Variants in COL28A1 observed in about 807,000 individuals in gnomAD.
COL28A1 encodes collagen type XXVIII alpha 1 chain.
COL28A1 carries 161 observed loss-of-function variants against 150.2 expected under a neutral mutation model. The ratio of observed to expected loss-of-function variants is 1.07; its 90% CI spans 0.94 to 1.22. The LOEUF (loss-of-function observed/expected upper bound fraction) is 1.22, where lower values mean the gene tolerates loss of function less well. Ranked by LOEUF, COL28A1 falls within the 50% of genes most tolerant of loss-of-function variation. COL28A1 has a pLI of 0.00. For synonymous variants in COL28A1, 552 were observed against 469.7 expected (o/e 1.18, Z -2.26); for missense variants, 1,617 against 1,388.3 (o/e 1.16, Z -2.62).
intron 25 of COL28A1, among the ~76,000 whole-genome samples, chr7:7,420,796 G>C (rs1784353374): frequency 6.6e-6 from 1 of 152,176 alleles, no homozygotes; most frequent in Non-Finnish European, 1.5e-5. Context: ...GTATATGTCA[G>C]CTCCACTCAC....
intron 14 of COL28A1, among the ~76,000 whole-genome samples, chr7:7,476,557 C>T (rs567047377): frequency 6.6e-6 from 1 of 152,178 alleles, no homozygotes; most frequent in East Asian, 1.9e-4. Flanking sequence ...TTGCTATCTG[C>T]CCCTTTACAG....
intron 15 of COL28A1, among the ~76,000 whole-genome samples, chr7:7,473,003 C>T (rs1408097939): frequency 6.6e-6 from 1 of 152,162 alleles, no homozygotes; most frequent in African/African-American, 2.4e-5. Flanking sequence ...GGATCCTCAT[C>T]TCTCACCTTA....
At chr7:7,370,288 C>T (rs1380952948) in intron 33 of COL28A1, among the ~76,000 whole-genome samples, 1 of 151,984 alleles carries the variant, frequency 6.6e-6, no homozygotes, top group African/African-American at 2.4e-5. Context: ...GGAGAGTGGC[C>T]AGTTGGGCAT....
chr7:7,354,951 A>G (rs1252409564), downstream of COL28A1, among the ~76,000 whole-genome samples: 1 of 152,136 alleles, frequency 6.6e-6, no homozygotes, highest in African/African-American at 2.4e-5. Flanking sequence ...TGGAGCCAGC[A>G]CTCAGAGTCA....
intron 11 of COL28A1, among the ~76,000 whole-genome samples, chr7:7,495,769 A>C (rs1195725079): frequency 6.6e-6 from 1 of 152,224 alleles, no homozygotes; most frequent in African/African-American, 2.4e-5. Context: ...CAAAGCCCTT[A>C]GTACTCTACT....
In COL28A1 at chr7:7,372,092, C is replaced by A. The variant is rs1020133793; in HGVS notation, c.2908+906G>T. The stretch of plus-strand genomic sequence containing the variant: ...GTGATCCACTGTGCCTGGCATTGTA[C>A]AATGAATTTTAAAAGGTTGTTCTTT... On this transcript the variant is annotated intron_variant, in intron 32 of 34. Coordinates refer to ENST00000399429, the MANE Select transcript of COL28A1 (RefSeq NM_001037763.3). Among the ~76,000 whole-genome samples, 3 of 152,128 alleles carry A rather than the reference C, an allele frequency of 2.0e-5. No homozygotes were observed. The South Asian group carries it at 6.2e-4, about 32-fold the overall frequency.
intron 27 of COL28A1, among the ~76,000 whole-genome samples, chr7:7,400,978 GTGTGTGTGTGTGTGT>G (rs1783153715): frequency 1.6e-4 from 13 of 81,284 alleles, no homozygotes; most frequent in African/African-American, 4.8e-4. Flanking sequence ...GTATTTGGGT[GTGTGTGTGTGTGTGT>G]GTGTGTGTGT....
chr7:7,417,650 A>G (rs950108156), intron 27 of COL28A1: 1 of 563,576 alleles, frequency 1.8e-6, no homozygotes, highest in African/African-American at 2.0e-5. Context: ...TGCACCAAGC[A>G]ATTTATATAA....
downstream of COL28A1, among the ~76,000 whole-genome samples, chr7:7,352,714 A>G (rs563080589): frequency 5.9e-5 from 9 of 152,326 alleles, no homozygotes; most frequent in African/African-American, 1.9e-4. Context: ...GCCCAGTGAG[A>G]CCTTCATCAG....
intron 18 of COL28A1, among the ~76,000 whole-genome samples, chr7:7,447,564 C>T (rs1474330496): frequency 6.6e-6 from 1 of 151,774 alleles, no homozygotes; most frequent in Non-Finnish European, 1.5e-5. Context: ...GAGGTAAGAA[C>T]ATTAAAACAG....
At chr7:7,433,374 G>A (rs575951329) in intron 23 of COL28A1, among the ~76,000 whole-genome samples, 13 of 152,074 alleles carry the variant, frequency 8.5e-5, no homozygotes, top group African/African-American at 4.8e-5. Flanking sequence ...GGTGGCTCAC[G>A]CCTGTAATCC....
chr7:7,424,349 C>A (rs901389273), intron 25 of COL28A1, among the ~76,000 whole-genome samples: 2 of 152,160 alleles, frequency 1.3e-5, no homozygotes, highest in African/African-American at 4.8e-5. Flanking sequence ...GGCCACCACA[C>A]CTGGTAAATG....
intron 8 of COL28A1, 58 bp from the exon 9 acceptor site, chr7:7,511,193 A>G (rs1781116454): frequency 1.5e-6 from 2 of 1,347,050 alleles, no homozygotes; most frequent in Non-Finnish European, 2.1e-6. Flanking sequence ...CACTATTAAG[A>G]ATGTTTGTTT....
At chr7:7,506,433 C>T (rs977826012) in intron 10 of COL28A1, among the ~76,000 whole-genome samples, 3 of 152,078 alleles carry the variant, frequency 2.0e-5, no homozygotes, top group Admixed American at 6.5e-5. Context: ...TCCAATGAAC[C>T]TGGGATAACC....
At chr7:7,538,153 A>G (rs949404165), upstream of COL28A1, among the ~76,000 whole-genome samples, 1 of 152,220 alleles carries the variant, frequency 6.6e-6, no homozygotes, top group African/African-American at 2.4e-5. Context: ...TATGCAAAAT[A>G]AAATCTTCAG....
chr7:7,400,500 T>C (rs1225535891), intron 27 of COL28A1, among the ~76,000 whole-genome samples: 1 of 152,214 alleles, frequency 6.6e-6, no homozygotes, highest in East Asian at 1.9e-4. Flanking sequence ...AGAGTCTGCA[T>C]GGCCAGGTGC....
At chr7:7,440,194 C>G (rs375388622) in intron 21 of COL28A1, among the ~76,000 whole-genome samples, 1 of 152,216 alleles carries the variant, frequency 6.6e-6, no homozygotes, top group Non-Finnish European at 1.5e-5. Context: ...CATAGATCCC[C>G]TACTTCCCAT....
chr7:7,415,145 A>G (rs1783996895), intron 27 of COL28A1, among the ~76,000 whole-genome samples: 1 of 152,202 alleles, frequency 6.6e-6, no homozygotes, highest in African/African-American at 2.4e-5. Flanking sequence ...CATAAGTGGA[A>G]GGGGATAGAG....
intron 27 of COL28A1, among the ~76,000 whole-genome samples, chr7:7,405,099 A>T (rs1209423753): frequency 6.6e-6 from 1 of 152,184 alleles, no homozygotes; most frequent in Non-Finnish European, 1.5e-5. Flanking sequence ...ACTTTGTACA[A>T]CTAGCAAGGA....
Sources: gnomAD v4.1 joint callset for allele counts (sites outside exome capture counted in the v4.1 genomes callset) on GRCh38, gnomAD v4.1.1 for gene constraint, MANE v1.5 for transcripts, NCBI Gene and HGNC (gene_info 2026-07-23, HGNC 2026-07-21) for gene names.